NTM: variants seen among roughly 807,000 people sequenced by gnomAD.
NTM encodes IgLON family member 2.
In NTM, 13 loss-of-function variants were observed where a neutral mutation model predicts 42.1. The ratio of observed to expected loss-of-function variants is 0.31; its 90% CI spans 0.20 to 0.49. NTM has a LOEUF of 0.49. Ranked by LOEUF, NTM falls within the 20% of genes least tolerant of loss-of-function variation. The probability of loss-of-function intolerance (pLI) is 0.99; values close to 1 mark genes in which losing one functional copy is unlikely to be tolerated. For missense variants in NTM, 373 were observed against 452.8 expected, an observed-to-expected ratio of 0.82 and a Z score of 1.60; for synonymous variants, 187 against 179.2, an observed-to-expected ratio of 1.04 and a Z score of -0.35.
intron 1 of NTM, among the ~76,000 whole-genome samples, chr11:131,484,478 C>T (rs1384060512): frequency 2.6e-5 from 4 of 152,290 alleles, no homozygotes; most frequent in South Asian, 4.1e-4. Flanking sequence ...GAGGACACAG[C>T]GCTGCTTCGG....
Position 132,319,295 on chromosome 11 carries a change from G to A in NTM, c.934+4592G>A, listed in dbSNP as rs528355043. 1.4e-3 allele frequency among the ~76,000 whole-genome samples: 215 copies of A among 152,272 alleles called. 1 individual carries two copies. The highest frequency in any genetic ancestry group is 4.7e-3 in the African/African-American group (194 of 41,560). ...TGCAGGACAGTGGGTGCAGCTCACC[G>A]TGTGCGAGCCGAAGCATGGCAAGGC... On this transcript the variant is annotated intron_variant, in intron 7 of 8. Transcript: ENST00000683400.
At position 131,464,890 on chromosome 11, in the gene NTM, G is replaced by A. The variant is rs1951745880; in HGVS notation, c.82+94002G>A. ...CTGAATGTGCCGGTCTGGGTTGATA[G>A]CTCTGCTGGACAAGACCCCCTGTTT... On this transcript the variant is annotated intron_variant, in intron 1 of 8. Transcript: ENST00000683400. 2.6e-5 allele frequency among the ~76,000 whole-genome samples: 4 copies of A among 152,214 alleles called. 1 individual carries two copies. Among genetic ancestry groups the A allele is most frequent in the Admixed American group, 2.6e-4 (4 of 15,292 alleles).
In NTM at chr11:132,081,892, A is replaced by AAT. The variant is rs1385444475; in HGVS notation, c.168-64380_168-64379dup. On this transcript the variant is annotated intron_variant, in intron 2 of 8. Coordinates refer to ENST00000683400, the MANE Select transcript of NTM (RefSeq NM_001352005.2). Reference sequence around the variant, plus strand: ...TAGCCTGGGCAATATAGCAAGACTAAATATATATATACATATATTCACGCC... The same window carrying AAT: ...TAGCCTGGGCAATATAGCAAGACTAAATATATATATATACATATATTCACGCC... 8.7e-5 allele frequency among the ~76,000 whole-genome samples: 13 copies of AAT among 149,150 alleles called. 1 individual carries two copies. In the Middle Eastern group the frequency reaches 0.014, roughly 162 times the overall value.
At chr11:131,760,829 G>A (rs1167777300) in intron 1 of NTM, among the ~76,000 whole-genome samples, 2 of 152,266 alleles carry the variant, frequency 1.3e-5, no homozygotes, top group African/African-American at 4.8e-5. Flanking sequence ...CCTGTTCCAG[G>A]GGACGTTGGA....
rs531811643 is a variant in NTM at position 131,598,193 on chromosome 11, C to T, written c.82+227305C>T. 4.7e-3 allele frequency among the ~76,000 whole-genome samples: 256 copies of T among 54,828 alleles called. 3 individuals are homozygous for T. Among genetic ancestry groups the T allele is most frequent in the Admixed American group, 0.011 (37 of 3,464 alleles). 36.0% of individuals were successfully genotyped at this position (54,828 alleles called of 152,430 possible). ...ACAGTTTATCAGAGGTGGGAGAATTCCCCCTGAAAATCACTTTTGCAAGAG... is the reference window on the plus strand; with the variant it reads ...ACAGTTTATCAGAGGTGGGAGAATTTCCCCTGAAAATCACTTTTGCAAGAG... On this transcript the variant is annotated intron_variant, in intron 1 of 8. Transcript: ENST00000683400.
intron 1 of NTM, among the ~76,000 whole-genome samples, chr11:131,650,474 T>C (rs1857922): frequency 0.6 from 91,949 of 152,086 alleles, 28,027 homozygotes; most frequent in East Asian, 0.78. Context: ...TTTTGAAAGT[T>C]CGGTCCAGCC....
chr11:131,465,472 G>C (rs920404686), intron 1 of NTM, among the ~76,000 whole-genome samples: 1 of 152,076 alleles, frequency 6.6e-6, no homozygotes, highest in Admixed American at 6.5e-5. Flanking sequence ...CTGGGAGAAG[G>C]TCATTCCTAT....
intron 1 of NTM, among the ~76,000 whole-genome samples, chr11:131,822,969 T>TTCC (rs2093254681): frequency 6.6e-6 from 1 of 152,030 alleles, no homozygotes; most frequent in Non-Finnish European, 1.5e-5. Flanking sequence ...TCCTTCCTTC[T>TTCC]GTCTCCCTCC....
At chr11:132,034,795 C>T (rs2076320934) in intron 2 of NTM, among the ~76,000 whole-genome samples, 1 of 152,294 alleles carries the variant, frequency 6.6e-6, no homozygotes, top group Non-Finnish European at 1.5e-5. Context: ...CAAAGGCTTT[C>T]CTTGTTTGTT....
chr11:131,572,740 G>A (rs983010696), intron 1 of NTM, among the ~76,000 whole-genome samples: 4 of 152,174 alleles, frequency 2.6e-5, no homozygotes, highest in Non-Finnish European at 5.9e-5. Flanking sequence ...AAGGTGTGGC[G>A]TGATTTGCAC....
At chr11:131,515,348 C>T (rs149516611) in intron 1 of NTM, among the ~76,000 whole-genome samples, 21 of 152,282 alleles carry the variant, frequency 1.4e-4, no homozygotes, top group African/African-American at 4.1e-4. Flanking sequence ...GTGGGGAAAT[C>T]GTGGCATTAG....
At chr11:132,065,832 TA>T (rs1296779161) in intron 2 of NTM, among the ~76,000 whole-genome samples, 1 of 152,230 alleles carries the variant, frequency 6.6e-6, no homozygotes, top group Non-Finnish European at 1.5e-5. Context: ...CTTTATTGCT[TA>T]CATTAAACTC....
At chr11:131,728,812 G>C (rs2079273584) in intron 1 of NTM, among the ~76,000 whole-genome samples, 2 of 152,170 alleles carry the variant, frequency 1.3e-5, no homozygotes, top group South Asian at 4.2e-4. Context: ...ATCCTGCCTT[G>C]GTCTTACAGG....
chr11:131,937,575 A>G (rs1450943608), intron 2 of NTM, among the ~76,000 whole-genome samples: 1 of 152,208 alleles, frequency 6.6e-6, no homozygotes, highest in African/African-American at 2.4e-5. Context: ...AGTCTTTCAT[A>G]TACCACATAA....
chr11:131,845,126 T>TAGAAA (rs2044742005), intron 1 of NTM, among the ~76,000 whole-genome samples: 1 of 152,214 alleles, frequency 6.6e-6, no homozygotes, highest in African/African-American at 2.4e-5. Context: ...GAATCCCCTT[T>TAGAAA]AGATTCATGG....
In NTM at chr11:131,722,021, A is replaced by AAAAAAAGAG. The variant is rs368857349; in HGVS notation, c.83-189542_83-189541insAAAAAGAGA. On this transcript the variant is annotated intron_variant, in intron 1 of 8. Transcript: ENST00000683400. ...CAAAAAAAAAAAAAAAAAAAAAAAA[A>AAAAAAAGAG]AGAGAGAAAGAAAGAAAATAATGCT... Among the ~76,000 whole-genome samples the AAAAAAAGAG allele has an allele frequency of 1.2e-4, 13 of 112,746 alleles. 1 individual carries two copies. Among genetic ancestry groups the AAAAAAAGAG allele is most frequent in the African/African-American group, 3.7e-4 (11 of 29,372 alleles). The allele number at this position is 112,746 out of a possible 152,430, so 74.0% of individuals were successfully genotyped here. A position where few individuals can be genotyped will look rare whatever the true frequency, so the allele number is the denominator to read the frequency against.
intron 1 of NTM, among the ~76,000 whole-genome samples, chr11:131,819,654 C>A (rs923934133): frequency 6.6e-6 from 1 of 152,186 alleles, no homozygotes; most frequent in African/African-American, 2.4e-5. Flanking sequence ...AGCCAGCATG[C>A]CCATGAAAGC....
intron 3 of NTM, among the ~76,000 whole-genome samples, chr11:132,195,282 G>T (rs985192928): frequency 1.3e-5 from 2 of 152,050 alleles, no homozygotes; most frequent in African/African-American, 4.8e-5. Flanking sequence ...AAACACTGCT[G>T]AAAGAAATCA....
At chr11:131,839,386 G>A (rs1208772518) in intron 1 of NTM, among the ~76,000 whole-genome samples, 1 of 152,200 alleles carries the variant, frequency 6.6e-6, no homozygotes, top group Admixed American at 6.5e-5. Context: ...TCATTTATAA[G>A]CTGATGTTAG....
Sources: allele counts gnomAD v4.1 joint callset (sites outside exome capture counted in the v4.1 genomes callset), GRCh38; gene constraint gnomAD v4.1.1; transcripts MANE v1.5; gene names NCBI Gene and HGNC (gene_info 2026-07-23, HGNC 2026-07-21).